Variants in POU3F3 observed in about 807,000 individuals in gnomAD.
POU3F3 encodes POU class 3 homeobox 3, also known as POU domain, class 3, transcription factor 3.
POU3F3 carries 1 observed loss-of-function variant against 8.6 expected under a neutral mutation model. That is an observed-to-expected ratio of 0.12 (90% CI 0.04 to 0.55). POU3F3 has a LOEUF of 0.55. Among genes scored for constraint, POU3F3 ranks in the 20% least tolerant of loss-of-function variants. The pLI is 0.91. For missense variants in POU3F3, 577 were observed against 690.7 expected (o/e 0.84, Z 1.84); for synonymous variants, 418 against 327.4 (o/e 1.28, Z -2.99).
the POU3F3 span, among the ~76,000 whole-genome samples, chr2:104,890,622 G>T: frequency 6.6e-6 from 1 of 152,234 alleles, no homozygotes; most frequent in East Asian, 1.9e-4. Context: ...GCTATCCTGG[G>T]TCTCCTGGCC....
the POU3F3 span, among the ~76,000 whole-genome samples, chr2:104,875,164 A>G: frequency 6.6e-6 from 1 of 152,172 alleles, no homozygotes; most frequent in Non-Finnish European, 1.5e-5. Context: ...ATGTAGCAGA[A>G]TTTCCTTCCC....
downstream of POU3F3, among the ~76,000 whole-genome samples, chr2:104,863,557 C>A (rs987252356): frequency 6.6e-6 from 1 of 152,120 alleles, no homozygotes; most frequent in South Asian, 2.1e-4. Context: ...GAGTTCAAGG[C>A]CTGGCTGACC....
At chr2:104,876,109 T>C in the POU3F3 span, among the ~76,000 whole-genome samples, 1 of 152,206 alleles carries the variant, frequency 6.6e-6, no homozygotes, top group South Asian at 2.1e-4. Context: ...TGGATGATTA[T>C]GTTTAAGCCC....
chr2:104,877,919 G>T, the POU3F3 span, among the ~76,000 whole-genome samples: 1 of 151,924 alleles, frequency 6.6e-6, no homozygotes, highest in African/African-American at 2.4e-5. Context: ...GCCTCCCAAA[G>T]TGTTGGGATT....
At chr2:104,879,632 G>C in the POU3F3 span, among the ~76,000 whole-genome samples, 1 of 152,128 alleles carries the variant, frequency 6.6e-6, no homozygotes, top group African/African-American at 2.4e-5. Context: ...GAAGTGGGGT[G>C]CCCTGAGGGG....
downstream of POU3F3, among the ~76,000 whole-genome samples, chr2:104,862,995 A>G (rs1676683938): frequency 6.6e-6 from 1 of 151,686 alleles, no homozygotes; most frequent in Non-Finnish European, 1.5e-5. Flanking sequence ...GAGCAATAGT[A>G]AATTCTTTTT....
chr2:104,911,377 TGCACTCCA>T, the POU3F3 span, among the ~76,000 whole-genome samples: 12 of 144,130 alleles, frequency 8.3e-5, no homozygotes, highest in Non-Finnish European at 1.5e-4. Context: ...ATCGCACCAC[TGCACTCCA>T]GCCTGGGCGA....
the POU3F3 span, chr2:104,872,454 TG>T: frequency 4.8e-6 from 2 of 415,852 alleles, no homozygotes; most frequent in African/African-American, 2.0e-5. This position sits in a 1 kb window ranked among gnomAD's most constrained non-coding sequence, Gnocchi z 4.6. Context: ...AGCTTTCTTA[TG>T]GAAATGAACG....
In POU3F3 at chr2:104,856,041, G is replaced by T; in HGVS notation, c.531G>T (p.Pro177=). ...CGCCGCACCTCGGACCCCCGCCGCC[G>T]CCCCCACACCAGGGCCACCCTGGGG... ...RGPPHLGPPP[P]PPHQGHPGGW... Residue 177 remains proline (P), a synonymous_variant, in exon 1 of 1, where the codon CCG becomes CCT. Coordinates refer to ENST00000361360, the MANE Select transcript of POU3F3 (RefSeq NM_006236.3). The T allele has an allele frequency of 1.0e-6, 1 of 976,382 alleles. No individual in the cohort carries two copies. The highest frequency in any genetic ancestry group is 1.2e-6 in the Non-Finnish European group (1 of 827,808). 60.5% of individuals were successfully genotyped at this position (976,382 alleles called of 1,614,324 possible). A position where few individuals can be genotyped will look rare whatever the true frequency, so the allele number is the denominator to read the frequency against.
chr2:104,856,434 C>T lies in POU3F3; in HGVS notation c.924C>T (p.His308=). Residue 308 remains histidine (H), a synonymous_variant, in exon 1 of 1, where the codon CAC becomes CAT. Transcript: ENST00000361360. ...GGGAGPGLNS[H]DPHSDEDTPT... Reference sequence around the variant, plus strand: ...GCGCGGGGCCTGGACTCAACAGCCACGACCCGCACTCGGACGAGGACACGC... The same window carrying T: ...GCGCGGGGCCTGGACTCAACAGCCATGACCCGCACTCGGACGAGGACACGC... The T allele has an allele frequency of 6.2e-7, 1 of 1,609,798 alleles. No individual in the cohort carries two copies. Among genetic ancestry groups the T allele is most frequent in the Non-Finnish European group, 8.5e-7 (1 of 1,178,746 alleles).
At chr2:104,862,538 C>T (rs1426256114), downstream of POU3F3, among the ~76,000 whole-genome samples, 1 of 151,598 alleles carries the variant, frequency 6.6e-6, no homozygotes, top group Non-Finnish European at 1.5e-5. Context: ...GCTCGCTTCT[C>T]TCCGGGAGGG....
At position 104,857,762 on chromosome 2, in the gene POU3F3, G is replaced by GA. The variant is rs56376358; in HGVS notation, c.*756dup. 0.19 allele frequency: 29,679 copies of GA among 152,218 alleles called. 2,962 individuals are homozygous for GA. The highest frequency in any genetic ancestry group is 0.32 in the Middle Eastern group (95 of 294). 9.4% of individuals were successfully genotyped at this position (152,218 alleles called of 1,614,324 possible). A position where few individuals can be genotyped will look rare whatever the true frequency, so the allele number is the denominator to read the frequency against. On this transcript the variant is annotated 3_prime_UTR_variant, in exon 1 of 1. Transcript: ENST00000361360. The stretch of plus-strand genomic sequence containing the variant: ...AGGAGGGGGGAAAAACAGTCTCCAA[G>GA]AAAAAAATAATTATATTGACAGCTT...
At chr2:104,873,395 G>C in the POU3F3 span, among the ~76,000 whole-genome samples, 1 of 152,060 alleles carries the variant, frequency 6.6e-6, no homozygotes, top group Non-Finnish European at 1.5e-5. Context: ...GGGAAAAGAA[G>C]AAAGTTCTCC....
chr2:104,905,505 G>A, the POU3F3 span, among the ~76,000 whole-genome samples: 19 of 152,182 alleles, frequency 1.2e-4, no homozygotes, highest in Admixed American at 1.2e-3. Context: ...ATTAATGTGT[G>A]TATTAGTTTT....
chr2:104,862,573 G>A (rs564394842), downstream of POU3F3, among the ~76,000 whole-genome samples: 1 of 152,244 alleles, frequency 6.6e-6, no homozygotes, highest in East Asian at 1.9e-4. Context: ...CGCGGAGGTG[G>A]GGCGGTGGCG....
downstream of POU3F3, among the ~76,000 whole-genome samples, chr2:104,859,682 A>G (rs1376339813): frequency 6.6e-6 from 1 of 152,240 alleles, no homozygotes; most frequent in African/African-American, 2.4e-5. Flanking sequence ...CCAGATGGCC[A>G]TGTATTGGGT....
the POU3F3 span, among the ~76,000 whole-genome samples, chr2:104,891,141 C>T: frequency 2.6e-5 from 4 of 152,176 alleles, no homozygotes; most frequent in Non-Finnish European, 5.9e-5. Flanking sequence ...CGGCACCACA[C>T]CTAGCACCTA....
At chr2:104,878,461 G>A in the POU3F3 span, among the ~76,000 whole-genome samples, 3 of 152,092 alleles carry the variant, frequency 2.0e-5, no homozygotes, top group Admixed American at 6.5e-5. Flanking sequence ...TAATTAAATC[G>A]AACTACTTTC....
At chr2:104,911,237 A>C in the POU3F3 span, among the ~76,000 whole-genome samples, 2 of 151,690 alleles carry the variant, frequency 1.3e-5, 1 homozygote, top group South Asian at 4.2e-4. Flanking sequence ...GCAAAATCCC[A>C]TCTCTACTAA....
Sources: allele counts gnomAD v4.1 joint callset (sites outside exome capture counted in the v4.1 genomes callset), GRCh38; gene constraint gnomAD v4.1.1; non-coding constraint Gnocchi (gnomAD v3.1); transcripts MANE v1.5; gene names NCBI Gene and HGNC (gene_info 2026-07-23, HGNC 2026-07-21).